The following DLG2 variants were observed in gnomAD, a reference collection of about 807,000 sequenced individuals.
DLG2 encodes the protein disks large homolog 2.
In DLG2, 45 loss-of-function variants were observed where a neutral mutation model predicts 132.5. The ratio of observed to expected loss-of-function variants is 0.34; its 90% CI spans 0.27 to 0.44. The LOEUF is 0.44. Among genes scored for constraint, DLG2 ranks in the 20% least tolerant of loss-of-function variants. The pLI is 1.00. For missense variants in DLG2, 1,045 were observed against 1,196.9 expected (o/e 0.87, Z 1.87); for synonymous variants, 424 against 419.6 (o/e 1.01, Z -0.13).
Position 84,805,459 on chromosome 11 carries a change from C to T in DLG2, c.358-270728G>A, listed in dbSNP as rs145602913. Among the ~76,000 whole-genome samples the T allele has an allele frequency of 8.7e-4, 133 of 152,304 alleles. 2 individuals carry two copies. Among genetic ancestry groups the T allele is most frequent in the African/African-American group, 3.0e-3 (126 of 41,570 alleles). ...GTCTCCACCCAAATCTCATGTTCAA[C>T]TGTAATCTCCAGTGTTGAAGGAGGG... On this transcript the variant is annotated intron_variant, in intron 6 of 27. Transcript: ENST00000376104.
At chr11:84,643,463 T>C (rs377692196) in intron 6 of DLG2, among the ~76,000 whole-genome samples, 4 of 152,320 alleles carry the variant, frequency 2.6e-5, no homozygotes, top group South Asian at 2.1e-4. Context: ...TCACCTGCAA[T>C]ACTAAGGGAC....
chr11:84,752,814 C>T (rs1363230397), intron 6 of DLG2, among the ~76,000 whole-genome samples: 14 of 140,912 alleles, frequency 9.9e-5, no homozygotes, highest in East Asian at 4.2e-4. Context: ...TGAGAATATG[C>T]GGTGTTTGGT....
intron 9 of DLG2, among the ~76,000 whole-genome samples, chr11:84,130,750 C>T (rs2094390105): frequency 6.6e-6 from 1 of 151,700 alleles, no homozygotes; most frequent in Non-Finnish European, 1.5e-5. Context: ...ACAGACAAAA[C>T]CAAACTACAG....
chr11:85,461,516 T>C (rs1396951), intron 3 of DLG2, among the ~76,000 whole-genome samples: 1,958 of 152,334 alleles, frequency 0.013, 22 homozygotes, highest in Non-Finnish European at 0.021. Context: ...GTATATACTG[T>C]AGCAATACTG....
intron 6 of DLG2, among the ~76,000 whole-genome samples, chr11:84,838,521 T>C (rs565607000): frequency 6.6e-6 from 1 of 151,988 alleles, no homozygotes; most frequent in East Asian, 1.9e-4. Context: ...CTACAACCAC[T>C]TGACAAAGAA....
chr11:84,453,629 G>A (rs2099057525), intron 7 of DLG2, among the ~76,000 whole-genome samples: 2 of 151,618 alleles, frequency 1.3e-5, no homozygotes, highest in Non-Finnish European at 3.0e-5. Flanking sequence ...TATGAATCAA[G>A]TACTTAACTA....
intron 6 of DLG2, among the ~76,000 whole-genome samples, chr11:84,671,781 C>T (rs1354519254): frequency 6.6e-6 from 1 of 152,126 alleles, no homozygotes; most frequent in African/African-American, 2.4e-5. Context: ...TCGTCTGAGT[C>T]AGTCACTACT....
At chr11:83,917,693 G>A (rs1278352330) in intron 15 of DLG2, among the ~76,000 whole-genome samples, 1 of 152,142 alleles carries the variant, frequency 6.6e-6, no homozygotes, top group African/African-American at 2.4e-5. Flanking sequence ...CATTAAATGT[G>A]AACTCTTCCT....
chr11:84,037,408 G>T (rs1480350667), intron 11 of DLG2, among the ~76,000 whole-genome samples: 1 of 152,052 alleles, frequency 6.6e-6, no homozygotes, highest in East Asian at 1.9e-4. Context: ...ATAAAATAAA[G>T]TCAGTTTCTT....
intron 6 of DLG2, among the ~76,000 whole-genome samples, chr11:85,092,573 A>G (rs1416853082): frequency 2.0e-5 from 3 of 152,162 alleles, no homozygotes; most frequent in Non-Finnish European, 4.4e-5. Context: ...ACTTAGGGAT[A>G]CTAAAGACAG....
chr11:84,263,263 G>A (rs1403478734), intron 7 of DLG2, among the ~76,000 whole-genome samples: 3 of 151,848 alleles, frequency 2.0e-5, no homozygotes, highest in Non-Finnish European at 4.4e-5. Context: ...TTTCATTCTG[G>A]GAAATGATCT....
At chr11:84,846,224 A>G (rs922009599) in intron 6 of DLG2, among the ~76,000 whole-genome samples, 3 of 152,092 alleles carry the variant, frequency 2.0e-5, no homozygotes, top group African/African-American at 7.2e-5. Context: ...ATATATATCT[A>G]CTTTTTGACT....
At chr11:85,355,509 A>G (rs2083623525) in intron 3 of DLG2, among the ~76,000 whole-genome samples, 1 of 152,194 alleles carries the variant, frequency 6.6e-6, no homozygotes, top group South Asian at 2.1e-4. Flanking sequence ...TTTAAAAGAA[A>G]TAAATGGTCT....
intron 6 of DLG2, among the ~76,000 whole-genome samples, chr11:84,726,400 T>G (rs61899047): frequency 0.37 from 55,892 of 151,860 alleles, 11,011 homozygotes; most frequent in African/African-American, 0.52. Context: ...TTGCTGAGAA[T>G]TGTGGTTTCC....
At chr11:83,465,740 C>T (rs1193679802) in intron 26 of DLG2, among the ~76,000 whole-genome samples, 4 of 152,078 alleles carry the variant, frequency 2.6e-5, no homozygotes, top group Admixed American at 2.0e-4. Flanking sequence ...GTTATTTAAC[C>T]TTTATACTAG....
intron 18 of DLG2, among the ~76,000 whole-genome samples, chr11:83,757,007 T>C (rs1025421235): frequency 2.0e-5 from 3 of 152,238 alleles, no homozygotes; most frequent in African/African-American, 4.8e-5. Flanking sequence ...AATATGCATA[T>C]GTGGCAAGTG....
At chr11:84,659,563 A>G (rs762545398) in intron 6 of DLG2, among the ~76,000 whole-genome samples, 1 of 152,210 alleles carries the variant, frequency 6.6e-6, no homozygotes, top group African/African-American at 2.4e-5. Flanking sequence ...TGCAGATATC[A>G]CAGATCCTAA....
intron 6 of DLG2, among the ~76,000 whole-genome samples, chr11:84,541,188 TATAATA>T (rs536129464): frequency 1.9e-3 from 213 of 113,896 alleles, no homozygotes; most frequent in Non-Finnish European, 2.7e-3. Flanking sequence ...CTTGAAGTAT[TATAATA>T]ATAATAATAA....
At chr11:83,954,099 T>C (rs144822495) in intron 14 of DLG2, among the ~76,000 whole-genome samples, 1 of 152,216 alleles carries the variant, frequency 6.6e-6, no homozygotes, top group Non-Finnish European at 1.5e-5. Context: ...GGCTAACTCA[T>C]GAGCACATAG....
Sources: gnomAD v4.1 joint callset for allele counts (sites outside exome capture counted in the v4.1 genomes callset) on GRCh38, gnomAD v4.1.1 for gene constraint, MANE v1.5 for transcripts, NCBI Gene and HGNC (gene_info 2026-07-23, HGNC 2026-07-21) for gene names.